The following FBXL7 variants were observed in gnomAD, a reference collection of about 807,000 sequenced individuals.
The protein encoded by FBXL7 is F-box and leucine rich repeat protein 7, also known as F-box/LRR-repeat protein 7.
FBXL7 carries 12 observed loss-of-function variants against 38.3 expected under a neutral mutation model. The ratio of observed to expected loss-of-function variants is 0.31; its 90% CI spans 0.20 to 0.51. FBXL7 has a LOEUF of 0.51. Among genes scored for constraint, FBXL7 ranks in the 20% least tolerant of loss-of-function variants. FBXL7 has a pLI of 0.98. For synonymous variants in FBXL7, 297 were observed against 300.9 expected (o/e 0.99, Z 0.13); for missense variants, 567 against 676.4 (o/e 0.84, Z 1.79).
chr5:15,683,070 A>G (rs1458317672), intron 2 of FBXL7, among the ~76,000 whole-genome samples: 3 of 152,174 alleles, frequency 2.0e-5, no homozygotes, highest in Non-Finnish European at 4.4e-5. Flanking sequence ...ATGAGAGCTG[A>G]AGGTGTATTG....
intron 1 of FBXL7, among the ~76,000 whole-genome samples, chr5:15,599,272 AC>A (rs1343478113): frequency 5.3e-5 from 8 of 152,084 alleles, no homozygotes; most frequent in Admixed American, 1.3e-4. Flanking sequence ...TTCAAGTCAC[AC>A]CCCAAAGAGA....
At chr5:15,517,718 A>G (rs994776202) in intron 1 of FBXL7, among the ~76,000 whole-genome samples, 2 of 152,226 alleles carry the variant, frequency 1.3e-5, no homozygotes, top group Non-Finnish European at 2.9e-5. Flanking sequence ...GGTGGATTAC[A>G]GGAGTTAAGG....
At chr5:15,711,889 A>G (rs1743887444) in intron 2 of FBXL7, among the ~76,000 whole-genome samples, 1 of 152,194 alleles carries the variant, frequency 6.6e-6, no homozygotes, top group Non-Finnish European at 1.5e-5. Flanking sequence ...TGCAAGCATA[A>G]AACAGATATA....
intron 2 of FBXL7, among the ~76,000 whole-genome samples, chr5:15,729,023 T>G (rs902237940): frequency 6.6e-6 from 1 of 152,156 alleles, no homozygotes. Flanking sequence ...CTTAGAGCAC[T>G]GCAATGTTTA....
chr5:15,598,242 G>A (rs998448154), intron 1 of FBXL7, among the ~76,000 whole-genome samples: 3 of 152,188 alleles, frequency 2.0e-5, no homozygotes, highest in Admixed American at 1.3e-4. Flanking sequence ...GATTCATCAT[G>A]TGGCTAAGTA....
intron 2 of FBXL7, among the ~76,000 whole-genome samples, chr5:15,745,081 C>T (rs1369148284): frequency 6.6e-6 from 1 of 151,988 alleles, no homozygotes; most frequent in African/African-American, 2.4e-5. Context: ...CTGAAAAAAA[C>T]CTCAAATGAT....
chr5:15,550,820 CT>C (rs1236659105), intron 1 of FBXL7, among the ~76,000 whole-genome samples: 1 of 152,224 alleles, frequency 6.6e-6, no homozygotes, highest in Non-Finnish European at 1.5e-5. Flanking sequence ...TCATCCCTCA[CT>C]TGATCCTGAC....
At chr5:15,682,402 G>A (rs190253382) in intron 2 of FBXL7, among the ~76,000 whole-genome samples, 1 of 152,154 alleles carries the variant, frequency 6.6e-6, no homozygotes, top group East Asian at 1.9e-4. Flanking sequence ...AACAGGTTGG[G>A]TGAACATACA....
rs1177291270 is a variant in FBXL7, at chr5:15,522,279, A to G, written c.37+21566A>G. Among the ~76,000 whole-genome samples, 4 of 151,566 alleles carry G rather than the reference A, an allele frequency of 2.6e-5. No individual in the cohort carries two copies. The East Asian group carries it at 7.7e-4, about 29-fold the overall frequency. On this transcript the variant is annotated intron_variant, in intron 1 of 3. Transcript: ENST00000504595. ...TGTTAGTCCCCTTTTGTCCCACACAACCCCTGCCCCACCATCTTCTGTCTG... is the reference window on the plus strand; with the variant it reads ...TGTTAGTCCCCTTTTGTCCCACACAGCCCCTGCCCCACCATCTTCTGTCTG...
chr5:15,874,695 A>C (rs1016817014), intron 2 of FBXL7, among the ~76,000 whole-genome samples: 1 of 152,172 alleles, frequency 6.6e-6, no homozygotes, highest in African/African-American at 2.4e-5. Context: ...ACCTAGGAAT[A>C]CAACTTACAA....
chr5:15,644,082 AT>A (rs1174459541), intron 2 of FBXL7, among the ~76,000 whole-genome samples: 2 of 152,118 alleles, frequency 1.3e-5, no homozygotes, highest in African/African-American at 4.8e-5. Context: ...ATAGTTTGCT[AT>A]TTATGCTGAT....
chr5:15,813,709 A>T (rs968766350), intron 2 of FBXL7, among the ~76,000 whole-genome samples: 1 of 152,144 alleles, frequency 6.6e-6, no homozygotes, highest in Non-Finnish European at 1.5e-5. Flanking sequence ...GAATCTACAA[A>T]GAACTTAAAC....
At chr5:15,854,320 G>C (rs1322249424) in intron 2 of FBXL7, among the ~76,000 whole-genome samples, 1 of 151,998 alleles carries the variant, frequency 6.6e-6, no homozygotes, top group Admixed American at 6.6e-5. Flanking sequence ...CAGCCTAAAG[G>C]TGAAAAAAAA....
At chr5:15,633,771 A>ATTATTATT (rs1285643091) in intron 2 of FBXL7, among the ~76,000 whole-genome samples, 1 of 115,088 alleles carries the variant, frequency 8.7e-6, no homozygotes, top group African/African-American at 3.4e-5. Context: ...TATTATTATT[A>ATTATTATT]TTATTATTTT....
intron 2 of FBXL7, among the ~76,000 whole-genome samples, chr5:15,782,839 G>A (rs193007206): frequency 6.6e-6 from 1 of 152,104 alleles, no homozygotes; most frequent in Admixed American, 6.5e-5. Flanking sequence ...GTGGCCAAAG[G>A]GTGGGAGATG....
At chr5:15,664,553 C>A (rs1171436620) in intron 2 of FBXL7, among the ~76,000 whole-genome samples, 17 of 146,590 alleles carry the variant, frequency 1.2e-4, no homozygotes, top group African/African-American at 4.1e-4. Context: ...CTTACTGCAA[C>A]CTCCGCCTCC....
chr5:15,895,241 G>T (rs1320566810), intron 2 of FBXL7, among the ~76,000 whole-genome samples: 2 of 152,074 alleles, frequency 1.3e-5, no homozygotes, highest in Admixed American at 6.6e-5. Flanking sequence ...GAGTGAGGGG[G>T]ATTATAGATA....
chr5:15,609,915 G>A (rs4702088), intron 1 of FBXL7, among the ~76,000 whole-genome samples: 7 of 152,214 alleles, frequency 4.6e-5, no homozygotes, highest in African/African-American at 9.6e-5. Flanking sequence ...TACGTGAGAC[G>A]GTAATTTACA....
chr5:15,514,855 C>G lies in FBXL7; in HGVS notation c.37+14142C>G, dbSNP rs891197. ...GGGAGCGGGGAGCCACATGCAGTGA[C>G]TAGTTTAGGCAGGGGTACAATTTGG... On this transcript the variant is annotated intron_variant, in intron 1 of 3. Coordinates refer to ENST00000504595, the MANE Select transcript of FBXL7 (RefSeq NM_012304.5). Among the ~76,000 whole-genome samples the G allele has an allele frequency of 1.4e-4, 21 of 152,282 alleles. No homozygotes were observed. In the East Asian group the frequency reaches 4.1e-3, roughly 29 times the overall value.
Sources: allele counts gnomAD v4.1 joint callset (sites outside exome capture counted in the v4.1 genomes callset), GRCh38; gene constraint gnomAD v4.1.1; transcripts MANE v1.5; gene names NCBI Gene and HGNC (gene_info 2026-07-23, HGNC 2026-07-21).